Variants in NOS1 observed in about 807,000 individuals in gnomAD.
NOS1 encodes NOS type I.
Under a neutral mutation model 164.5 loss-of-function variants are expected in NOS1, and 51 were observed. That is an observed-to-expected ratio of 0.31 (90% CI 0.25 to 0.39). The LOEUF is 0.39. Ranked by LOEUF, NOS1 falls within the 10% of genes least tolerant of loss-of-function variation. The probability of loss-of-function intolerance (pLI) is 1.00; values close to 1 mark genes in which losing one functional copy is unlikely to be tolerated. For missense variants in NOS1, 1,362 were observed against 1,885.6 expected (o/e 0.72, Z 5.14); for synonymous variants, 719 against 745.8 (o/e 0.96, Z 0.59).
chr12:117,239,106 A>T (rs745684311), intron 20 of NOS1, among the ~76,000 whole-genome samples: 2 of 152,198 alleles, frequency 1.3e-5, no homozygotes, highest in Non-Finnish European at 2.9e-5. Context: ...TGAGGATGAC[A>T]CTGGAAGTTT....
At chr12:117,350,350 T>C (rs762269051) in intron 1 of NOS1, among the ~76,000 whole-genome samples, 3 of 152,184 alleles carry the variant, frequency 2.0e-5, no homozygotes, top group Admixed American at 6.5e-5. Flanking sequence ...TAGTTACCTG[T>C]TGACTGCACA....
Position 117,307,814 on chromosome 12 carries a change from C to T in NOS1, c.852+3652G>A, listed in dbSNP as rs139999799. ...GGTGGATCACCTGAGGCCAGGAGTT[C>T]GAGACCAGCCTGGCCAAGATGGTGA... On this transcript the variant is annotated intron_variant, in intron 3 of 28. Coordinates refer to ENST00000317775, the MANE Select transcript of NOS1 (RefSeq NM_000620.5). Among the ~76,000 whole-genome samples the T allele has an allele frequency of 7.9e-3, 1,194 of 151,798 alleles. 17 individuals are homozygous for T. Among genetic ancestry groups the T allele is most frequent in the African/African-American group, 0.027 (1,130 of 41,396 alleles).
chr12:117,358,664 G>T (rs138041554), intron 1 of NOS1, among the ~76,000 whole-genome samples: 1 of 152,200 alleles, frequency 6.6e-6, no homozygotes, highest in Non-Finnish European at 1.5e-5. Context: ...GCTCAGAAAG[G>T]TTAAGTGATC....
intron 20 of NOS1, among the ~76,000 whole-genome samples, chr12:117,237,621 G>A (rs1365640800): frequency 1.3e-5 from 2 of 151,936 alleles, no homozygotes; most frequent in African/African-American, 2.4e-5. Flanking sequence ...CTTGGCGGTG[G>A]CTCAATGATA....
intron 9 of NOS1, among the ~76,000 whole-genome samples, chr12:117,276,574 T>C (rs1873199733): frequency 6.6e-6 from 1 of 152,086 alleles, no homozygotes; most frequent in Admixed American, 6.5e-5. Context: ...TGAGCCACCA[T>C]GCCTCTATTT....
intron 3 of NOS1, among the ~76,000 whole-genome samples, chr12:117,293,046 C>T (rs975986222): frequency 6.6e-6 from 1 of 152,176 alleles, no homozygotes; most frequent in Non-Finnish European, 1.5e-5. Context: ...GTCTTACAGG[C>T]AGAGAGAACA....
intron 3 of NOS1, among the ~76,000 whole-genome samples, chr12:117,298,014 G>C (rs1269234627): frequency 1.3e-5 from 2 of 152,064 alleles, no homozygotes; most frequent in Non-Finnish European, 2.9e-5. Flanking sequence ...TCCATGGACT[G>C]GTGGTCGGGG....
intron 1 of NOS1, among the ~76,000 whole-genome samples, chr12:117,333,350 G>A (rs73409526): frequency 0.011 from 1,604 of 152,206 alleles, 27 homozygotes; most frequent in African/African-American, 0.036. Context: ...TCAGCACCAG[G>A]AGGGAGCCCC....
chr12:117,287,100 A>G (rs981695741), intron 5 of NOS1, among the ~76,000 whole-genome samples: 3 of 152,094 alleles, frequency 2.0e-5, no homozygotes, highest in Admixed American at 2.0e-4. Flanking sequence ...CCGTAATCCC[A>G]GCTACTCAGG....
Position 117,330,312 on chromosome 12 carries a change from A to ACG in NOS1, c.725+32_725+33insCG. On this transcript the variant is annotated intron_variant, in intron 2 of 28. Transcript: ENST00000317775. The surrounding 1 kb of genome is among the most constrained non-coding windows in gnomAD (Gnocchi z 4.6). The stretch of plus-strand genomic sequence containing the variant: ...CACACACAAGCATGCACACACACAC[A>ACG]CACACACACACACACACCCCTGTGG... 1 of 1,578,842 alleles carries ACG rather than the reference A, an allele frequency of 6.3e-7. No individual in the cohort carries two copies. Among genetic ancestry groups the ACG allele is most frequent in the Non-Finnish European group, 8.6e-7 (1 of 1,159,662 alleles).
intron 21 of NOS1, 49 bp from the exon 22 acceptor site, chr12:117,232,180 C>A (rs957271090): frequency 5.7e-6 from 9 of 1,586,686 alleles, no homozygotes; most frequent in South Asian, 1.1e-5. Context: ...GGGCTTGAGT[C>A]CAAGTCGGGG....
At chr12:117,276,623 C>A (rs191045130) in intron 9 of NOS1, among the ~76,000 whole-genome samples, 16 of 151,804 alleles carry the variant, frequency 1.1e-4, no homozygotes, top group Admixed American at 1.1e-3. Flanking sequence ...CTTCCCCTCA[C>A]CCCCTCCACT....
At position 117,305,138 on chromosome 12, in the gene NOS1, GC is replaced by G. The variant is rs569384986; in HGVS notation, c.852+6327del. Reference sequence around the variant, plus strand: ...AGGCCCCCTGTGGATGCTTAAACAAGCCATAAATGTGGGTTACAACTGGAAG... The same window carrying G: ...AGGCCCCCTGTGGATGCTTAAACAAGCATAAATGTGGGTTACAACTGGAAG... On this transcript the variant is annotated intron_variant, in intron 3 of 28. Transcript: ENST00000317775. The G allele has an allele frequency of 7.8e-4, 718 of 917,216 alleles. 5 individuals carry two copies. In the African/African-American group the frequency reaches 0.011, roughly 14 times the overall value. The allele number at this position is 917,216 out of a possible 1,614,324, so 56.8% of individuals were successfully genotyped here.
At chr12:117,335,164 T>C (rs1666668913) in intron 1 of NOS1, among the ~76,000 whole-genome samples, 2 of 152,220 alleles carry the variant, frequency 1.3e-5, no homozygotes, top group Non-Finnish European at 2.9e-5. Context: ...TCGGACTTCC[T>C]GGCTTTTAAT....
At chr12:117,319,103 G>C (rs1397008591) in intron 2 of NOS1, among the ~76,000 whole-genome samples, 1 of 152,184 alleles carries the variant, frequency 6.6e-6, no homozygotes, top group African/African-American at 2.4e-5. Context: ...GGTCTCTAAA[G>C]TACAGTGGCA....
intron 27 of NOS1, 140 bp from the exon 28 acceptor site, chr12:117,218,304 C>T (rs1956643309): frequency 1.4e-6 from 1 of 709,146 alleles, no homozygotes; most frequent in Admixed American, 2.1e-5. Flanking sequence ...GCCAGTGTCC[C>T]CGAGGTACCT....
rs1873626694 is a variant in NOS1, at chr12:117,281,245, G to A, written c.1383-379C>T. Among the ~76,000 whole-genome samples, 3 of 152,184 alleles carry A rather than the reference G, an allele frequency of 2.0e-5. No individual in the cohort carries two copies. The South Asian group carries it at 6.2e-4, about 32-fold the overall frequency. On this transcript the variant is annotated intron_variant, in intron 7 of 28. Coordinates refer to ENST00000317775, the MANE Select transcript of NOS1 (RefSeq NM_000620.5). ...CCCTTTAAGAATGCACTAGACGCCG[G>A]GCGCGGTGGCTCATGCCTATAATCC...
At chr12:117,257,607 CTTTTTTTTTTTT>C (rs151304592) in intron 16 of NOS1, among the ~76,000 whole-genome samples, 24 of 99,124 alleles carry the variant, frequency 2.4e-4, no homozygotes, top group African/African-American at 7.9e-4. Context: ...TTGATTTTAG[CTTTTTTTTTTTT>C]TTTTTTTTTT....
intron 3 of NOS1, among the ~76,000 whole-genome samples, chr12:117,299,784 TG>T (rs1460743179): frequency 6.6e-6 from 1 of 151,708 alleles, no homozygotes; most frequent in Admixed American, 6.6e-5. Flanking sequence ...GGATTCAGGG[TG>T]ATAGTGGAGA....
Sources: gnomAD v4.1 joint callset for allele counts (sites outside exome capture counted in the v4.1 genomes callset) on GRCh38, gnomAD v4.1.1 for gene constraint, Gnocchi (gnomAD v3.1) non-coding constraint, MANE v1.5 for transcripts, NCBI Gene and HGNC (gene_info 2026-07-23, HGNC 2026-07-21) for gene names.